The following DLG2 variants were observed in gnomAD, a reference collection of about 807,000 sequenced individuals.
The protein encoded by DLG2 is disks large homolog 2.
DLG2 carries 45 observed loss-of-function variants against 132.5 expected under a neutral mutation model. The ratio of observed to expected loss-of-function variants is 0.34; its 90% CI spans 0.27 to 0.44. The LOEUF (loss-of-function observed/expected upper bound fraction) is 0.44. DLG2 is among the 20% of genes least tolerant of loss of function. The pLI, the probability that DLG2 is intolerant of heterozygous loss-of-function variation, is 1.00. For missense variants in DLG2, 1,045 were observed against 1,196.9 expected (o/e 0.87, Z 1.87); for synonymous variants, 424 against 419.6 (o/e 1.01, Z -0.13).
chr11:84,522,821 C>G (rs2099308568), intron 7 of DLG2, among the ~76,000 whole-genome samples: 1 of 152,188 alleles, frequency 6.6e-6, no homozygotes, highest in Non-Finnish European at 1.5e-5. Context: ...CTTCTGTCCA[C>G]TAAATGATCC....
intron 3 of DLG2, among the ~76,000 whole-genome samples, chr11:85,426,445 C>G (rs1022678725): frequency 6.6e-6 from 1 of 152,202 alleles, no homozygotes; most frequent in Non-Finnish European, 1.5e-5. Flanking sequence ...GAGGAACGAT[C>G]AGGCAGCAAC....
At chr11:84,804,382 C>A (rs564004192) in intron 6 of DLG2, among the ~76,000 whole-genome samples, 1 of 152,204 alleles carries the variant, frequency 6.6e-6, no homozygotes, top group Non-Finnish European at 1.5e-5. Context: ...GGAAAACCCA[C>A]GTACTTCCAC....
chr11:85,313,024 A>G (rs2080414278), intron 3 of DLG2, among the ~76,000 whole-genome samples: 1 of 152,016 alleles, frequency 6.6e-6, no homozygotes, highest in Non-Finnish European at 1.5e-5. Flanking sequence ...GGCTGTGGCT[A>G]TATAACTGAA....
At chr11:84,367,685 C>G (rs760648125) in intron 7 of DLG2, among the ~76,000 whole-genome samples, 8 of 152,068 alleles carry the variant, frequency 5.3e-5, no homozygotes, top group Non-Finnish European at 1.0e-4. Flanking sequence ...GTTTGGCTCT[C>G]AGTGTACCCC....
intron 3 of DLG2, among the ~76,000 whole-genome samples, chr11:85,379,394 A>C (rs544229777): frequency 1.3e-5 from 2 of 152,322 alleles, no homozygotes; most frequent in African/African-American, 4.8e-5. Context: ...AAATTATTTT[A>C]AAAAATCATC....
chr11:84,430,812 A>G (rs755105856), intron 7 of DLG2, among the ~76,000 whole-genome samples: 6 of 152,162 alleles, frequency 3.9e-5, no homozygotes, highest in Non-Finnish European at 7.4e-5. Context: ...GACAGAGGAG[A>G]ACTGCAGCAG....
intron 3 of DLG2, among the ~76,000 whole-genome samples, chr11:85,355,958 G>A (rs532855932): frequency 6.6e-6 from 1 of 152,314 alleles, no homozygotes; most frequent in Non-Finnish European, 1.5e-5. Flanking sequence ...AAGCTGGGCT[G>A]TGATCCATCT....
intron 5 of DLG2, among the ~76,000 whole-genome samples, chr11:85,143,887 G>A (rs1257794825): frequency 1.3e-5 from 2 of 151,852 alleles, no homozygotes; most frequent in African/African-American, 4.8e-5. Flanking sequence ...CTGAAAGAAA[G>A]AATGTGCATT....
At chr11:84,734,102 G>T (rs955968424) in intron 6 of DLG2, among the ~76,000 whole-genome samples, 18 of 152,166 alleles carry the variant, frequency 1.2e-4, no homozygotes, top group African/African-American at 4.3e-4. Context: ...CTTGGCTTAG[G>T]ATTGATTTGG....
chr11:84,654,304 G>A (rs1257358127), intron 6 of DLG2, among the ~76,000 whole-genome samples: 1 of 152,094 alleles, frequency 6.6e-6, no homozygotes, highest in Non-Finnish European at 1.5e-5. Flanking sequence ...TATAAACTCT[G>A]TGAGGGCAGG....
intron 10 of DLG2, among the ~76,000 whole-genome samples, chr11:84,074,291 C>T (rs1366724169): frequency 6.6e-6 from 1 of 152,096 alleles, no homozygotes; most frequent in Non-Finnish European, 1.5e-5. Context: ...TTCCTTCACC[C>T]TCTACATCCA....
intron 3 of DLG2, among the ~76,000 whole-genome samples, chr11:85,502,068 C>A (rs1056890447): frequency 1.3e-5 from 2 of 152,148 alleles, no homozygotes; most frequent in Admixed American, 1.3e-4. Flanking sequence ...CACATATACT[C>A]CATGGAATAC....
At chr11:84,350,682 C>T (rs1462691980) in intron 7 of DLG2, among the ~76,000 whole-genome samples, 3 of 152,106 alleles carry the variant, frequency 2.0e-5, no homozygotes, top group African/African-American at 7.2e-5. Context: ...TGTTGTTATC[C>T]CTCATTGGGG....
intron 3 of DLG2, among the ~76,000 whole-genome samples, chr11:85,460,023 G>T (rs567552028): frequency 4.6e-5 from 7 of 152,284 alleles, no homozygotes; most frequent in Non-Finnish European, 7.4e-5. Context: ...GACGACAAAG[G>T]TAACCAGCCT....
chr11:83,579,824 G>A (rs1398085476), intron 19 of DLG2, among the ~76,000 whole-genome samples: 1 of 151,882 alleles, frequency 6.6e-6, no homozygotes, highest in Non-Finnish European at 1.5e-5. Flanking sequence ...CAAAAAATGA[G>A]CCAGGCATGG....
intron 19 of DLG2, among the ~76,000 whole-genome samples, chr11:83,578,763 T>G (rs2096922983): frequency 6.6e-6 from 1 of 152,196 alleles, no homozygotes; most frequent in South Asian, 2.1e-4. Flanking sequence ...ATGTGAACAT[T>G]AGCAACTTGA....
At chr11:85,557,127 T>G (rs1391242951) in intron 3 of DLG2, among the ~76,000 whole-genome samples, 1 of 151,710 alleles carries the variant, frequency 6.6e-6, no homozygotes, top group Non-Finnish European at 1.5e-5. Context: ...CAAAAATCAG[T>G]AGCATTTCCA....
chr11:84,877,199 G>T (rs999592491), intron 6 of DLG2, among the ~76,000 whole-genome samples: 2 of 152,102 alleles, frequency 1.3e-5, no homozygotes, highest in East Asian at 3.9e-4. Context: ...TGCCTATTAG[G>T]TCTGCTTGGT....
chr11:84,412,130 G>A (rs561846243), intron 7 of DLG2, among the ~76,000 whole-genome samples: 2 of 151,966 alleles, frequency 1.3e-5, no homozygotes, highest in East Asian at 3.9e-4. Context: ...ACTGATAATG[G>A]CAATAGTGAT....
Sources: allele counts gnomAD v4.1 joint callset (sites outside exome capture counted in the v4.1 genomes callset), GRCh38; gene constraint gnomAD v4.1.1; transcripts MANE v1.5; gene names NCBI Gene and HGNC (gene_info 2026-07-23, HGNC 2026-07-21).